Variants in CRISPLD2 observed in about 807,000 individuals in gnomAD.
CRISPLD2 encodes cysteine rich secretory protein LCCL domain containing 2.
In CRISPLD2, 47 loss-of-function variants were observed where a neutral mutation model predicts 71.1. The ratio of observed to expected loss-of-function variants is 0.66; its 90% CI spans 0.52 to 0.84. CRISPLD2 has a LOEUF of 0.84. CRISPLD2 is among the 40% of genes least tolerant of loss of function. The pLI is 0.00. For synonymous variants in CRISPLD2, 317 were observed against 250.1 expected (o/e 1.27, Z -2.52); for missense variants, 830 against 651.1 (o/e 1.27, Z -2.99).
At chr16:84,832,173 C>T (rs895295706) in intron 1 of CRISPLD2, among the ~76,000 whole-genome samples, 1 of 152,254 alleles carries the variant, frequency 6.6e-6, no homozygotes, top group Admixed American at 6.5e-5. Context: ...TTTGGAGGCT[C>T]TGGCACAGCC....
intron 1 of CRISPLD2, among the ~76,000 whole-genome samples, chr16:84,821,279 G>A (rs1048388701): frequency 5.3e-5 from 8 of 152,160 alleles, no homozygotes; most frequent in Non-Finnish European, 1.2e-4. Context: ...TGTGACTGTC[G>A]GCTGTCCCAG....
intron 6 of CRISPLD2, among the ~76,000 whole-genome samples, chr16:84,865,441 C>T (rs1355118944): frequency 6.6e-6 from 1 of 152,194 alleles, no homozygotes; most frequent in South Asian, 2.1e-4. Context: ...CAGGTATGAG[C>T]CACCACACCT....
intron 14 of CRISPLD2, among the ~76,000 whole-genome samples, chr16:84,890,542 C>T (rs1390466237): frequency 6.6e-6 from 1 of 152,122 alleles, no homozygotes; most frequent in Non-Finnish European, 1.5e-5. Flanking sequence ...TCCCAGGGAG[C>T]AGATCCTCCC....
intron 10 of CRISPLD2, chr16:84,873,566 A>C (rs910343713): frequency 4.6e-6 from 1 of 219,222 alleles, no homozygotes; most frequent in Non-Finnish European, 8.7e-6. Flanking sequence ...TGTTTTTATA[A>C]TTTGATCATG....
At chr16:84,900,176 G>A (rs1021730819) in intron 14 of CRISPLD2, among the ~76,000 whole-genome samples, 1 of 151,974 alleles carries the variant, frequency 6.6e-6, no homozygotes, top group African/African-American at 2.4e-5. Flanking sequence ...CCATCTCTCC[G>A]AGTGCTCCCA....
intron 1 of CRISPLD2, chr16:84,828,347 A>T (rs1597444787): frequency 6.6e-6 from 1 of 151,944 alleles, no homozygotes. Context: ...TAGTCATAGC[A>T]CCCTTCCTCC....
chr16:84,896,375 A>C (rs1290950946), intron 14 of CRISPLD2, among the ~76,000 whole-genome samples: 1 of 152,032 alleles, frequency 6.6e-6, no homozygotes, highest in East Asian at 1.9e-4. Flanking sequence ...AAAAAAAAAG[A>C]CTATATATAG....
intron 14 of CRISPLD2, among the ~76,000 whole-genome samples, chr16:84,889,711 C>T (rs975775603): frequency 1.3e-5 from 2 of 150,288 alleles, no homozygotes. Context: ...GGAGAATTTA[C>T]TGTTAGATTT....
chr16:84,885,700 T>A (rs2071606526), intron 13 of CRISPLD2, among the ~76,000 whole-genome samples: 1 of 152,240 alleles, frequency 6.6e-6, no homozygotes, highest in African/African-American at 2.4e-5. Flanking sequence ...AAGCAGGAAA[T>A]CCACTTTTCA....
intron 13 of CRISPLD2, among the ~76,000 whole-genome samples, chr16:84,882,371 A>AAAAT (rs368239840): frequency 2.6e-5 from 3 of 114,184 alleles, no homozygotes; most frequent in African/African-American, 1.1e-4. Flanking sequence ...AAAAAAAAAA[A>AAAAT]GCAAGAACTT....
intron 1 of CRISPLD2, among the ~76,000 whole-genome samples, chr16:84,836,638 G>C (rs1254994858): frequency 6.6e-6 from 1 of 152,144 alleles, no homozygotes. Context: ...CTTTGGCTCA[G>C]CCTCTGTCGC....
In CRISPLD2 at chr16:84,838,593, A is replaced by T; in HGVS notation, c.98A>T (p.Glu33Val). Residue 33 changes from glutamate (E) to valine (V), a missense_variant, in exon 2 of 15, where the codon GAG becomes GTG. Glu to Val is a moderately radical substitution (Grantham distance 121). Transcript: ENST00000262424. ...CTGCCCAACGTCACTCTCTTAGAGG[A>T]GCTGCTCAGCAAATACCAGCACAAC... The part of the protein sequence containing the change: ...YLLPNVTLLE[E>V]LLSKYQHNES... 1 of 1,614,196 alleles carries T rather than the reference A, an allele frequency of 6.2e-7. No individual in the cohort carries two copies. Among genetic ancestry groups the T allele is most frequent in the East Asian group, 2.2e-5 (1 of 44,882 alleles).
chr16:84,884,970 G>A (rs547273078), intron 13 of CRISPLD2, among the ~76,000 whole-genome samples: 51 of 152,230 alleles, frequency 3.4e-4, no homozygotes, highest in Non-Finnish European at 6.5e-4. Flanking sequence ...AACAGCCTGG[G>A]CCTTGCTCCT....
At chr16:84,865,304 C>T (rs556322861) in intron 6 of CRISPLD2, among the ~76,000 whole-genome samples, 35 of 152,200 alleles carry the variant, frequency 2.3e-4, no homozygotes, top group African/African-American at 7.7e-4. Flanking sequence ...TACAGGCACC[C>T]GCCATCATGC....
Position 84,838,632 on chromosome 16 carries a change from G to T in CRISPLD2, c.137G>T (p.Arg46Leu), listed in dbSNP as rs780937131. 6.2e-7 allele frequency: 1 copy of T among 1,614,222 alleles called. No homozygotes were observed. The highest frequency in any genetic ancestry group is 1.7e-5 in the Admixed American group (1 of 60,026). ...TACCAGCACAACGAGTCTCACTCCC[G>T]GGTCCGCAGAGCCATCCCCAGGGAG... ...SKYQHNESHSRVRRAIPREDK... is the reference protein window; with the variant it reads ...SKYQHNESHSLVRRAIPREDK... The change falls in exon 2 of 15, where the codon CGG (arginine) becomes CTG (leucine). Residue 46 changes from arginine (R) to leucine (L), a missense_variant. By Grantham distance (102) the Arg-to-Leu change is moderately radical (BLOSUM62 -2). Coordinates refer to ENST00000262424, the MANE Select transcript of CRISPLD2 (RefSeq NM_031476.4).
chr16:84,855,697 G>A (rs565193566), intron 6 of CRISPLD2, among the ~76,000 whole-genome samples: 1 of 152,066 alleles, frequency 6.6e-6, no homozygotes, highest in Non-Finnish European at 1.5e-5. Context: ...ACTATCACAA[G>A]TCCACCCCTT....
chr16:84,900,039 T>A (rs74031025), intron 14 of CRISPLD2, among the ~76,000 whole-genome samples: 1 of 152,070 alleles, frequency 6.6e-6, no homozygotes, highest in Non-Finnish European at 1.5e-5. Context: ...ATCTGAACTT[T>A]CCAGAAACCA....
rs563995330 is a variant in CRISPLD2, at chr16:84,857,662, C to G, written c.709+2833C>G. On this transcript the variant is annotated intron_variant, in intron 6 of 14. Transcript: ENST00000262424. ...GGGGCTGTACTGCCGCAGCTGTCCA[C>G]TATCAGGTAGTGCCTGCGTATCATG... Among the ~76,000 whole-genome samples, 13 of 152,340 alleles carry G rather than the reference C, an allele frequency of 8.5e-5. No individual in the cohort carries two copies. In the East Asian group the frequency reaches 2.5e-3, roughly 29 times the overall value.
intron 4 of CRISPLD2, 38 bp downstream of exon 4, chr16:84,849,555 C>G (rs1444574561): frequency 3.7e-6 from 6 of 1,603,566 alleles, no homozygotes; most frequent in East Asian, 4.5e-5. Context: ...GCCCTGCCCC[C>G]CAATCCCAGT....
Sources: allele counts gnomAD v4.1 joint callset (sites outside exome capture counted in the v4.1 genomes callset), GRCh38; gene constraint gnomAD v4.1.1; transcripts MANE v1.5; gene names NCBI Gene and HGNC (gene_info 2026-07-23, HGNC 2026-07-21).